FSD2: variants seen among roughly 807,000 people sequenced by gnomAD.
The protein encoded by FSD2 is fibronectin type III and SPRY domain containing 2, also known as fibronectin type III and SPRY domain-containing protein 2.
Under a neutral mutation model 80.4 loss-of-function variants are expected in FSD2, and 71 were observed. That is an observed-to-expected ratio of 0.88 (90% confidence interval 0.73 to 1.08). The LOEUF is 1.08. Ranked by LOEUF, FSD2 falls within the 50% of genes least tolerant of loss-of-function variation. The pLI is 0.00. For synonymous variants in FSD2, 361 were observed against 329.5 expected (o/e 1.10, Z -1.03); for missense variants, 923 against 913.8 (o/e 1.01, Z -0.13).
At chr15:82,805,368 C>T (rs1230787155) in intron 1 of FSD2, among the ~76,000 whole-genome samples, 1 of 152,088 alleles carries the variant, frequency 6.6e-6, no homozygotes, top group African/African-American at 2.4e-5. Flanking sequence ...TTCCATGCAG[C>T]CCTTGGCAAT....
At chr15:82,774,976 G>A (rs774634552) in intron 6 of FSD2, among the ~76,000 whole-genome samples, 6 of 150,816 alleles carry the variant, frequency 4.0e-5, no homozygotes, top group Non-Finnish European at 8.9e-5. Context: ...CACCTCAGCC[G>A]TCCAAAGTGC....
intron 3 of FSD2, among the ~76,000 whole-genome samples, chr15:82,785,873 G>C (rs1314905223): frequency 3.3e-5 from 5 of 152,008 alleles, no homozygotes; most frequent in Non-Finnish European, 5.9e-5. Flanking sequence ...GCAACCCGGG[G>C]ATTCTCAGTA....
Position 82,786,500 on chromosome 15 carries a change from T to C in FSD2, c.735+11A>G, listed in dbSNP as rs771287155. 2 of 1,600,540 alleles carry C rather than the reference T, an allele frequency of 1.2e-6. No homozygotes were observed. Among genetic ancestry groups the C allele is most frequent in the Non-Finnish European group, 1.7e-6 (2 of 1,168,430 alleles). ...ATGTGAGTCTGATGAGGTCTTCAAG[T>C]GTGCTCTTACCTCCACAGTGATGAA... On this transcript the variant is annotated intron_variant, in intron 3 of 12. Coordinates refer to ENST00000334574, the MANE Select transcript of FSD2 (RefSeq NM_001007122.4).
intron 1 of FSD2, among the ~76,000 whole-genome samples, chr15:82,803,194 T>C (rs2050453700): frequency 1.3e-5 from 2 of 152,100 alleles, no homozygotes; most frequent in African/African-American, 4.8e-5. Context: ...ATCCCACTAT[T>C]TCCCTCTGTG....
rs918858682 is a variant in FSD2 at position 82,758,210 on chromosome 15, G to A, written c.*1138C>T. 2.0e-5 allele frequency: 3 copies of A among 152,144 alleles called. No homozygotes were observed. The highest frequency in any genetic ancestry group is 2.9e-5 in the Non-Finnish European group (2 of 68,036). The allele number at this position is 152,144 out of a possible 1,614,324, so 9.4% of individuals were successfully genotyped here. A position where few individuals can be genotyped will look rare whatever the true frequency, so the allele number is the denominator to read the frequency against. On this transcript the variant is annotated 3_prime_UTR_variant, in exon 13 of 13. Transcript: ENST00000334574. ...AGAGGCATCTGTGGGACATGATACT[G>A]AATTGTAATTGCTTCACAAATGGAA...
At chr15:82,768,821 C>G in intron 9 of FSD2, 59 bp downstream of exon 9, 1 of 1,344,690 alleles carries the variant, frequency 7.4e-7, no homozygotes, top group Non-Finnish European at 9.6e-7. Flanking sequence ...ACTTCCTAAG[C>G]CATGTCACTG....
rs1387974117 is a variant in FSD2, at chr15:82,759,153, C to G, written c.*195G>C. ...CTGGGCCTGGTAATGACTATCCTAG[C>G]AGCACACAGGTAGCAGCACACAGGA... On this transcript the variant is annotated 3_prime_UTR_variant, in exon 13 of 13. Transcript: ENST00000334574. 7 of 595,436 alleles carry G rather than the reference C, an allele frequency of 1.2e-5. No homozygotes were observed. The highest frequency in any genetic ancestry group is 4.5e-4 in the Middle Eastern group (1 of 2,246). 36.9% of individuals were successfully genotyped at this position (595,436 alleles called of 1,614,324 possible).
At chr15:82,779,808 A>T (rs2049809015) in intron 5 of FSD2, among the ~76,000 whole-genome samples, 1 of 152,172 alleles carries the variant, frequency 6.6e-6, no homozygotes, top group Non-Finnish European at 1.5e-5. Flanking sequence ...ATTTGTAGAT[A>T]AGGTGTCTTC....
chr15:82,778,869 T>C lies in FSD2; in HGVS notation c.1008A>G (p.Lys336=), dbSNP rs753870649. ...CAGAGATTTCCACGTCTGTTTTTGTTTTCAGGAATTTCCCGAGTCTGTTGG... is the reference window on the plus strand; with the variant it reads ...CAGAGATTTCCACGTCTGTTTTTGTCTTCAGGAATTTCCCGAGTCTGTTGG... ...AMADRLGKFL[K]TKTDVEISAQ... Residue 336 remains lysine (K), a synonymous_variant, in exon 6 of 13, where the codon AAA becomes AAG. Transcript: ENST00000334574. 2 of 1,613,970 alleles carry C rather than the reference T, an allele frequency of 1.2e-6. No homozygotes were observed. The highest frequency in any genetic ancestry group is 1.7e-6 in the Non-Finnish European group (2 of 1,179,884).
At chr15:82,800,850 C>T (rs2050395981) in intron 1 of FSD2, among the ~76,000 whole-genome samples, 1 of 152,106 alleles carries the variant, frequency 6.6e-6, no homozygotes, top group South Asian at 2.1e-4. Flanking sequence ...TGTGCAGTTA[C>T]ATTTAAACTC....
Position 82,756,279 on chromosome 15 carries a change from A to G in FSD2, c.*3069T>C, listed in dbSNP as rs902290248. On this transcript the variant is annotated 3_prime_UTR_variant, in exon 13 of 13. Transcript: ENST00000334574. ...GGTAGCTGAACCGCCTTGCATCAAGACCAATGTAGTCTTATTTACAGAATG... is the reference window on the plus strand; with the variant it reads ...GGTAGCTGAACCGCCTTGCATCAAGGCCAATGTAGTCTTATTTACAGAATG... The G allele has an allele frequency of 2.4e-5, 5 of 206,734 alleles. No homozygotes were observed. The highest frequency in any genetic ancestry group is 1.1e-4 in the East Asian group (1 of 8,698). The allele number at this position is 206,734 out of a possible 1,614,324, so 12.8% of individuals were successfully genotyped here.
chr15:82,776,991 A>T (rs1165006757), intron 6 of FSD2, among the ~76,000 whole-genome samples: 8 of 152,226 alleles, frequency 5.3e-5, no homozygotes. Context: ...CTCTTCAACA[A>T]ATGGCATTCA....
At chr15:82,800,877 C>T (rs1303503140) in intron 1 of FSD2, among the ~76,000 whole-genome samples, 2 of 151,948 alleles carry the variant, frequency 1.3e-5, no homozygotes, top group African/African-American at 4.8e-5. Context: ...ATAGTTACCC[C>T]TTCTTCATTT....
rs2151480733 is a variant in FSD2 at position 82,757,305 on chromosome 15, G to A, written c.*2043C>T. Reference sequence around the variant, plus strand: ...CTGAATTCAAACTTGCCTTCTCTGTGATATCCTGTTTCTTACTTGGTAGTT... The same window carrying A: ...CTGAATTCAAACTTGCCTTCTCTGTAATATCCTGTTTCTTACTTGGTAGTT... On this transcript the variant is annotated 3_prime_UTR_variant, in exon 13 of 13. Coordinates refer to ENST00000334574, the MANE Select transcript of FSD2 (RefSeq NM_001007122.4). 6.6e-6 allele frequency: 1 copy of A among 150,450 alleles called. No homozygotes were observed. Among genetic ancestry groups the A allele is most frequent in the East Asian group, 2.0e-4 (1 of 5,114 alleles). 9.3% of individuals were successfully genotyped at this position (150,450 alleles called of 1,614,324 possible).
intron 9 of FSD2, among the ~76,000 whole-genome samples, chr15:82,768,594 T>TTGAATGAATGAATGAA (rs3047206): frequency 6.6e-6 from 1 of 151,054 alleles, no homozygotes; most frequent in African/African-American, 2.4e-5. Context: ...TCAATGCATG[T>TTGAATGAATGAATGAA]TGAATGAATG....
chr15:82,780,717 A>C (rs1352670235), intron 4 of FSD2, among the ~76,000 whole-genome samples: 13 of 151,592 alleles, frequency 8.6e-5, no homozygotes, highest in Non-Finnish European at 4.4e-5. Context: ...TTGTCACATC[A>C]TATATATAAG....
chr15:82,761,097 G>A (rs1196458382), intron 12 of FSD2, among the ~76,000 whole-genome samples: 1 of 152,186 alleles, frequency 6.6e-6, no homozygotes, highest in Non-Finnish European at 1.5e-5. Flanking sequence ...TATCGGAGGG[G>A]AAGTTGGTTT....
At chr15:82,781,711 T>C (rs1176629936) in intron 4 of FSD2, among the ~76,000 whole-genome samples, 1 of 152,118 alleles carries the variant, frequency 6.6e-6, no homozygotes, top group Non-Finnish European at 1.5e-5. Context: ...TTTTCAGCCT[T>C]GACAACTTTC....
At chr15:82,761,162 C>T (rs977920911) in intron 12 of FSD2, among the ~76,000 whole-genome samples, 1 of 152,136 alleles carries the variant, frequency 6.6e-6, no homozygotes, top group African/African-American at 2.4e-5. Context: ...GATAGAGGAT[C>T]ATGGGCAGAG....
Sources: allele counts gnomAD v4.1 joint callset (sites outside exome capture counted in the v4.1 genomes callset), GRCh38; gene constraint gnomAD v4.1.1; transcripts MANE v1.5; gene names NCBI Gene and HGNC (gene_info 2026-07-23, HGNC 2026-07-21).